The following TULP4 variants were observed in gnomAD, a reference collection of about 807,000 sequenced individuals.
The protein encoded by TULP4 is TUB like protein 4, also known as tubby-related protein 4.
TULP4 carries 16 observed loss-of-function variants against 129.0 expected under a neutral mutation model. The ratio of observed to expected loss-of-function variants is 0.12; its 90% CI spans 0.08 to 0.19. The LOEUF (loss-of-function observed/expected upper bound fraction) is 0.19. TULP4 is among the 10% of genes least tolerant of loss of function. The probability of loss-of-function intolerance (pLI) is 1.00; values close to 1 mark genes in which losing one functional copy is unlikely to be tolerated. For missense variants in TULP4, 1,842 were observed against 2,059.1 expected (o/e 0.89, Z 2.04); for synonymous variants, 998 against 854.0 (o/e 1.17, Z -2.94).
At chr6:158,267,640 AT>A (rs1778470565) in intron 1 of TULP4, among the ~76,000 whole-genome samples, 1 of 152,208 alleles carries the variant, frequency 6.6e-6, no homozygotes, top group Admixed American at 6.5e-5. Context: ...TGTCAGGACA[AT>A]TTATACCCTT....
chr6:158,243,528 T>C (rs977094510), intron 1 of TULP4, among the ~76,000 whole-genome samples: 3 of 151,984 alleles, frequency 2.0e-5, no homozygotes, highest in African/African-American at 7.2e-5. Context: ...TTAAAGTCTC[T>C]TTTAACCTAT....
chr6:158,233,945 G>T (rs1398658179), intron 1 of TULP4, among the ~76,000 whole-genome samples: 1 of 152,144 alleles, frequency 6.6e-6, no homozygotes, highest in Non-Finnish European at 1.5e-5. Flanking sequence ...ATGATGTGGG[G>T]AGGTGTTGGC....
At position 158,348,015 on chromosome 6, in the gene TULP4, TTA is replaced by T. The variant is rs1303427924; in HGVS notation, c.252+33749_252+33750del. 2.0e-5 allele frequency among the ~76,000 whole-genome samples: 3 copies of T among 152,150 alleles called. No homozygotes were observed. In the East Asian group the frequency reaches 5.8e-4, roughly 29 times the overall value. ...TGATCTTTATTTCTCATTTGAACAT[TTA>T]TGTTTTAGAGAAAATACTTAGAGTC... is the stretch of plus-strand genomic sequence containing the variant. On this transcript the variant is annotated intron_variant, in intron 1 of 13. Coordinates refer to ENST00000367097, the MANE Select transcript of TULP4 (RefSeq NM_020245.5).
intron 1 of TULP4, chr6:158,242,345 A>T: frequency 6.5e-7 from 1 of 1,531,950 alleles, no homozygotes; most frequent in Non-Finnish European, 9.0e-7. Context: ...CTTTTTCCCA[A>T]TTGCTTTGAG....
chr6:158,307,993 T>A (rs1779246905), upstream of TULP4, among the ~76,000 whole-genome samples: 1 of 151,872 alleles, frequency 6.6e-6, no homozygotes. Context: ...CAGTTTTTCT[T>A]TTCTTTTTTT....
At chr6:158,409,426 T>C (rs1290703984) in intron 1 of TULP4, among the ~76,000 whole-genome samples, 1 of 152,178 alleles carries the variant, frequency 6.6e-6, no homozygotes, top group South Asian at 2.1e-4. Flanking sequence ...ACAGAAGTTC[T>C]TTGGTGCTGA....
intron 1 of TULP4, among the ~76,000 whole-genome samples, chr6:158,341,974 A>G (rs1270609880): frequency 6.6e-6 from 1 of 152,160 alleles, no homozygotes; most frequent in Non-Finnish European, 1.5e-5. Flanking sequence ...GCTGGAGTGC[A>G]GTGGTGCAAT....
intron 6 of TULP4, among the ~76,000 whole-genome samples, chr6:158,465,417 T>G (rs957893885): frequency 2.6e-5 from 4 of 152,358 alleles, no homozygotes; most frequent in East Asian, 1.9e-4. Context: ...TTTGGGTTTC[T>G]TCCATCTTTC....
At chr6:158,301,569 A>G (rs967875093) in intron 1 of TULP4, among the ~76,000 whole-genome samples, 28 of 152,210 alleles carry the variant, frequency 1.8e-4, no homozygotes, top group African/African-American at 6.3e-4. Context: ...AGCTTGTCCA[A>G]TTAGGGTGGC....
chr6:158,418,399 C>CT (rs772179433), intron 2 of TULP4, among the ~76,000 whole-genome samples: 2,816 of 127,442 alleles, frequency 0.022, 83 homozygotes, highest in African/African-American at 0.064. Context: ...TGAGCCACCA[C>CT]TTTTTTTTTT....
In TULP4 at chr6:158,241,508, C is replaced by G. The variant is rs528094288; in HGVS notation, n.68+9205C>G. On this transcript the variant is annotated intron_variant and non_coding_transcript_variant, in intron 1 of 1. Transcript: ENST00000620026. ...CTGCAATCCCGGCACCTCGGGAGGC[C>G]AAGGCTGGCGGATCACTCGCGGTTA... 2.5e-4 allele frequency among the ~76,000 whole-genome samples: 38 copies of G among 152,028 alleles called. No homozygotes were observed. In the East Asian group the frequency reaches 7.4e-3, roughly 30 times the overall value.
chr6:158,502,541 C>A lies in TULP4; in HGVS notation c.2878C>A (p.Pro960Thr). Residue 960 changes from proline (P) to threonine (T), a missense_variant, in exon 13 of 14, where the codon CCG (proline) becomes ACG (threonine). By Grantham distance (38) the Pro-to-Thr change is conservative. Coordinates refer to ENST00000367097, the MANE Select transcript of TULP4 (RefSeq NM_020245.5). ...RYSIPTGDPP[P>T]YPEIASQLAQ... ...CTCCATCCCCACCGGGGACCCACCC[C>A]CGTATCCTGAAATTGCCAGCCAGCT... 6.2e-7 allele frequency: 1 copy of A among 1,609,778 alleles called. No individual in the cohort carries two copies. The highest frequency in any genetic ancestry group is 8.5e-7 in the Non-Finnish European group (1 of 1,179,928).
chr6:158,461,839 G>C (rs770597921), intron 6 of TULP4, 110 bp downstream of exon 6: 8 of 1,302,606 alleles, frequency 6.1e-6, no homozygotes, highest in Non-Finnish European at 8.3e-6. Context: ...CTTAGGTTGT[G>C]GTGGGTAAAC....
intron 1 of TULP4, among the ~76,000 whole-genome samples, chr6:158,253,761 A>G (rs1778190413): frequency 6.6e-6 from 1 of 152,168 alleles, no homozygotes; most frequent in Non-Finnish European, 1.5e-5. Flanking sequence ...TGTGCCGAGC[A>G]TGGTGGCTCA....
intron 1 of TULP4, among the ~76,000 whole-genome samples, chr6:158,286,584 C>G (rs1294205357): frequency 1.3e-5 from 2 of 152,132 alleles, no homozygotes. Context: ...GTCTTGTATT[C>G]CTAGTAAATT....
Position 158,502,102 on chromosome 6 carries a change from T to G in TULP4, c.2439T>G (p.Ala813=), listed in dbSNP as rs1780461387. Residue 813 remains alanine, a synonymous_variant, in exon 13 of 14, where the codon GCT becomes GCG. Coordinates refer to ENST00000367097, the MANE Select transcript of TULP4 (RefSeq NM_020245.5). ...TGCGGCCAACACCGCAGCTGGCAGC[T>G]GAGGGGGACGCAGTGGTCTTTAGTG... ...KALRPTPQLA[A]EGDAVVFSAP... The G allele has an allele frequency of 1.9e-6, 3 of 1,611,178 alleles. No individual in the cohort carries two copies. Among genetic ancestry groups the G allele is most frequent in the Non-Finnish European group, 2.5e-6 (3 of 1,178,648 alleles).
In TULP4 at chr6:158,461,606, C is replaced by T. The variant is rs375608340; in HGVS notation, c.903C>T (p.Val301=). Residue 301 remains valine, a synonymous_variant, in exon 6 of 14, where the codon GTC becomes GTT. Coordinates refer to ENST00000367097, the MANE Select transcript of TULP4 (RefSeq NM_020245.5). ...GCACACAGGGGGACTTGCTGGCAGT[C>T]GCTGGGATGGAACGGCAGACCCAGC... ...QWCTQGDLLA[V]AGMERQTQLG... 43 of 1,613,744 alleles carry T rather than the reference C, an allele frequency of 2.7e-5. No individual in the cohort carries two copies. Among genetic ancestry groups the T allele is most frequent in the Middle Eastern group, 1.7e-4 (1 of 6,060 alleles).
intron 1 of TULP4, among the ~76,000 whole-genome samples, chr6:158,262,896 C>G (rs1778376035): frequency 6.6e-6 from 1 of 152,222 alleles, no homozygotes; most frequent in African/African-American, 2.4e-5. Flanking sequence ...GCTGGGTTTT[C>G]AGATGTAGCT....
chr6:158,461,545 C>A lies in TULP4; in HGVS notation c.860-18C>A, dbSNP rs1398432411. 6.8e-6 allele frequency: 11 copies of A among 1,609,974 alleles called. No individual in the cohort carries two copies. Among genetic ancestry groups the A allele is most frequent in the African/African-American group, 2.7e-5 (2 of 74,980 alleles). Reference sequence around the variant, plus strand: ...GGAGGGCTGTGTCCTTGTGCTGACCCTCTCTCCTCTGTTTCAGAGGTGGTA... The same window carrying A: ...GGAGGGCTGTGTCCTTGTGCTGACCATCTCTCCTCTGTTTCAGAGGTGGTA... On this transcript the variant is annotated intron_variant, in intron 5 of 13. Coordinates refer to ENST00000367097, the MANE Select transcript of TULP4 (RefSeq NM_020245.5).
Sources: allele counts gnomAD v4.1 joint callset (sites outside exome capture counted in the v4.1 genomes callset), GRCh38; gene constraint gnomAD v4.1.1; transcripts MANE v1.5; gene names NCBI Gene and HGNC (gene_info 2026-07-23, HGNC 2026-07-21).